RFC1: variants seen among roughly 807,000 people sequenced by gnomAD.
RFC1 encodes the protein replication factor C subunit 1.
A neutral mutation model predicts 137.4 loss-of-function variants in RFC1; 37 were observed. The ratio of observed to expected loss-of-function variants is 0.27; its 90% confidence interval spans 0.21 to 0.35. The LOEUF (loss-of-function observed/expected upper bound fraction) is 0.35. Ranked by LOEUF, RFC1 falls within the 10% of genes least tolerant of loss-of-function variation. The pLI is 1.00. For synonymous variants in RFC1, 429 were observed against 455.7 expected, an observed-to-expected ratio of 0.94 and a Z score of 0.75; for missense variants, 1,205 against 1,358.5, an observed-to-expected ratio of 0.89 and a Z score of 1.78.
chr4:39,315,444 C>T (rs1739191358), intron 10 of RFC1, among the ~76,000 whole-genome samples: 1 of 152,222 alleles, frequency 6.6e-6, no homozygotes, highest in South Asian at 2.1e-4. Context: ...TTGTTCTGTA[C>T]TAGTTTACCA....
At chr4:39,345,280 G>T in intron 3 of RFC1, 121 bp downstream of exon 3, 2 of 720,296 alleles carry the variant, frequency 2.8e-6, no homozygotes, top group Non-Finnish European at 4.4e-6. Flanking sequence ...CTCCCAAAGT[G>T]CTGCGATTGC....
At chr4:39,309,607 G>GTGAACC (rs1244536589) in intron 12 of RFC1, among the ~76,000 whole-genome samples, 1 of 152,206 alleles carries the variant, frequency 6.6e-6, no homozygotes, top group Non-Finnish European at 1.5e-5. Flanking sequence ...CCATACACAC[G>GTGAACC]TGAAACGTCC....
chr4:39,325,790 T>G (rs921398868), intron 6 of RFC1, among the ~76,000 whole-genome samples: 2 of 152,212 alleles, frequency 1.3e-5, no homozygotes, highest in African/African-American at 4.8e-5. Flanking sequence ...CCTTTTCCTA[T>G]TACAAGCTGA....
In RFC1 at chr4:39,321,338, A is replaced by G. The variant is rs1174790021; in HGVS notation, c.757T>C (p.Ser253Pro). The G allele has an allele frequency of 6.2e-7, 1 of 1,613,760 alleles. No homozygotes were observed. Among genetic ancestry groups the G allele is most frequent in the Non-Finnish European group, 8.5e-7 (1 of 1,179,882 alleles). ...KDTEAGETFS[S>P]VQANLSKAEK... The stretch of plus-strand genomic sequence containing the variant: ...GCTTTACTTAAATTGGCTTGGACAG[A>G]TGAAAACGTTTCTCCCGCTTCTGTG... The change falls in exon 8 of 25, where the codon TCT becomes CCT. Residue 253 changes from serine (S) to proline (P), a missense_variant. Physicochemically the swap from Ser to Pro is moderately conservative, Grantham distance 74 (BLOSUM62 -1). Coordinates refer to ENST00000349703, the MANE Select transcript of RFC1 (RefSeq NM_002913.5).
chr4:39,349,913 A>G (rs1017189087), intron 2 of RFC1, among the ~76,000 whole-genome samples: 1 of 152,198 alleles, frequency 6.6e-6, no homozygotes, highest in African/African-American at 2.4e-5. Flanking sequence ...CTGAGGCAGG[A>G]GAATTGCTTG....
rs762655321 is a variant in RFC1, at chr4:39,320,646, C to T, written c.832G>A (p.Glu278Lys). The change falls in exon 9 of 25, where the codon GAA becomes AAA. Residue 278 changes from glutamate to lysine, a missense_variant. By Grantham distance (56) the Glu-to-Lys change is moderately conservative. Around this residue, in one of 3 missense-constraint regions of RFC1, gnomAD observed 962 missense variants for 1,035.3 expected, o/e 0.93. Transcript: ENST00000349703. ...HKVKTAQVSD[E>K]RKSYSPRKQS... is the part of the protein sequence containing the mutation. ...TTCCTAGGACTGTAGCTCTTTCTTT[C>T]ATCTGAAACTTGTGCTGTTTTTACT... 24 of 1,582,250 alleles carry T rather than the reference C, an allele frequency of 1.5e-5. No individual in the cohort carries two copies. The African/African-American group carries it at 3.2e-4, about 21-fold the overall frequency.
intron 1 of RFC1, among the ~76,000 whole-genome samples, 176 bp downstream of exon 1, chr4:39,366,063 T>G (rs1408435411): frequency 4.6e-5 from 7 of 152,198 alleles, no homozygotes; most frequent in Non-Finnish European, 2.9e-5. Flanking sequence ...GAGCCCGCGA[T>G]GCAATGAAAG....
At position 39,300,320 on chromosome 4, in the gene RFC1, T is replaced by C; in HGVS notation, c.2630A>G (p.Tyr877Cys). 6.2e-7 allele frequency: 1 copy of C among 1,614,030 alleles called. No homozygotes were observed. The highest frequency in any genetic ancestry group is 1.3e-5 in the African/African-American group (1 of 75,028). The change falls in exon 20 of 25, where the codon TAT (tyrosine) becomes TGT (cysteine). Residue 877 changes from tyrosine (Y) to cysteine (C), a missense_variant. Around this residue, in one of 3 missense-constraint regions of RFC1, gnomAD observed 962 missense variants for 1,035.3 expected, o/e 0.93. Transcript: ENST00000349703. Reference protein sequence around the residue: ...VDKSDLFFHDYSIAPLFVQEN... With the variant: ...VDKSDLFFHDCSIAPLFVQEN... ...CTGGACGAAGAGGGGTGCTATTGAA[T>C]AATCATGAAAAAAGAGATCTGACTT...
intron 10 of RFC1, among the ~76,000 whole-genome samples, chr4:39,315,643 C>T (rs1739202581): frequency 1.3e-5 from 2 of 152,216 alleles, no homozygotes; most frequent in African/African-American, 4.8e-5. Flanking sequence ...GCCCTGCCAC[C>T]AATCGCATGA....
At chr4:39,330,978 C>T (rs933561968) in intron 4 of RFC1, among the ~76,000 whole-genome samples, 12 of 151,966 alleles carry the variant, frequency 7.9e-5, no homozygotes, top group South Asian at 4.1e-4. Context: ...CTTTGCCAGA[C>T]GGGAAAAAGG....
chr4:39,296,250 CT>C (rs10717106), intron 21 of RFC1, among the ~76,000 whole-genome samples: 26,280 of 132,416 alleles, frequency 0.2, 2,741 homozygotes, highest in African/African-American at 0.38. Context: ...TTTTTTTTTT[CT>C]TTTTTTTTTT....
Position 39,305,326 on chromosome 4 carries a change from C to T in RFC1, c.1996-398G>A, listed in dbSNP as rs1412123714. The stretch of plus-strand genomic sequence containing the variant: ...GAATTAATCTAGTATAAGATACCAG[C>T]CAGGTGCGTTGACTCACACCTGTAA... On this transcript the variant is annotated intron_variant, in intron 14 of 24. Transcript: ENST00000349703. Among the ~76,000 whole-genome samples, 3 of 152,048 alleles carry T rather than the reference C, an allele frequency of 2.0e-5. No individual in the cohort carries two copies. The East Asian group carries it at 5.8e-4, about 29-fold the overall frequency.
At chr4:39,360,630 G>A (rs192476363) in intron 1 of RFC1, among the ~76,000 whole-genome samples, 30 of 152,186 alleles carry the variant, frequency 2.0e-4, no homozygotes, top group Middle Eastern at 6.8e-3. Flanking sequence ...AGCTACTTGG[G>A]AGGCTGAGGC....
At chr4:39,292,659 A>AG (rs2109579043) in intron 22 of RFC1, among the ~76,000 whole-genome samples, 2 of 134,100 alleles carry the variant, frequency 1.5e-5, no homozygotes, top group African/African-American at 6.2e-5. Context: ...TATTTATTTA[A>AG]AGACGAAGCC....
At chr4:39,290,669 G>T (rs1019188659) in intron 23 of RFC1, among the ~76,000 whole-genome samples, 1 of 151,950 alleles carries the variant, frequency 6.6e-6, no homozygotes, top group African/African-American at 2.4e-5. Flanking sequence ...ACAAAACTTA[G>T]CCAGGCGTGA....
chr4:39,323,410 C>T lies in RFC1; in HGVS notation c.650G>A (p.Arg217Lys), dbSNP rs369129047. ...AAACTCTTCATCTTCATGCAACTGC[C>T]TCTCCAGCTGTAAAATGTGTCAGCA... ...LQLDEDAELE[R>K]QLHEDEEFAR... Residue 217 changes from arginine (R) to lysine (K), a missense_variant, in exon 7 of 25, where the codon AGG becomes AAG. This residue lies in a region of RFC1 where 962 missense variants were observed against 1,035.3 expected (regional missense o/e 0.93). Transcript: ENST00000349703. 1.2e-6 allele frequency: 2 copies of T among 1,613,932 alleles called. No homozygotes were observed. Among genetic ancestry groups the T allele is most frequent in the African/African-American group, 2.7e-5 (2 of 74,934 alleles).
At chr4:39,305,631 AT>A (rs1384337027) in intron 14 of RFC1, among the ~76,000 whole-genome samples, 1 of 152,076 alleles carries the variant, frequency 6.6e-6, no homozygotes, top group African/African-American at 2.4e-5. Flanking sequence ...AAAATAAGAT[AT>A]CAAAAAGTAA....
rs559361008 is a variant in RFC1, at chr4:39,331,568, A to C, written c.332-3812T>G. Among the ~76,000 whole-genome samples the C allele has an allele frequency of 4.6e-5, 7 of 152,326 alleles. 1 individual carries two copies. The South Asian group carries it at 1.4e-3, about 32-fold the overall frequency. On this transcript the variant is annotated intron_variant, in intron 4 of 24. Coordinates refer to ENST00000349703, the MANE Select transcript of RFC1 (RefSeq NM_002913.5). ...CAGAGAGATGTGAGTATTGTGTATA[A>C]TATGGGAAAAAAAATAACCTAAATA... is the stretch of plus-strand genomic sequence containing the variant.
At position 39,340,076 on chromosome 4, in the gene RFC1, C is replaced by A. The variant is rs1391752918; in HGVS notation, c.331+2269G>T. On this transcript the variant is annotated intron_variant, in intron 4 of 24. Transcript: ENST00000349703. Reference sequence around the variant, plus strand: ...TTATCTCATTTGATTATCACAAAGGCTGCTGATGCAGGTACTAGCGATGTC... The same window carrying A: ...TTATCTCATTTGATTATCACAAAGGATGCTGATGCAGGTACTAGCGATGTC... Among the ~76,000 whole-genome samples, 7 of 152,178 alleles carry A rather than the reference C, an allele frequency of 4.6e-5. No homozygotes were observed. The East Asian group carries it at 1.3e-3, about 29-fold the overall frequency.
Sources: gnomAD v4.1 joint callset for allele counts (sites outside exome capture counted in the v4.1 genomes callset) on GRCh38, gnomAD v4.1.1 for gene constraint, gnomAD v4.1.1 regional missense constraint, MANE v1.5 for transcripts, NCBI Gene and HGNC (gene_info 2026-07-23, HGNC 2026-07-21) for gene names.